The following TUBGCP2 variants were observed in gnomAD, a reference collection of about 807,000 sequenced individuals.
The protein encoded by TUBGCP2 is tubulin gamma complex component 2.
TUBGCP2 carries 55 observed loss-of-function variants against 92.2 expected under a neutral mutation model. The observed-to-expected ratio is 0.60, with a 90% confidence interval of 0.48 to 0.75. TUBGCP2 has a LOEUF of 0.75. Ranked by LOEUF, TUBGCP2 falls within the 30% of genes least tolerant of loss-of-function variation. The pLI, the probability that TUBGCP2 is intolerant of heterozygous loss-of-function variation, is 0.00. For synonymous variants in TUBGCP2, 533 were observed against 505.2 expected (o/e 1.06, Z -0.74); for missense variants, 1,093 against 1,188.9 (o/e 0.92, Z 1.19).
intron 16 of TUBGCP2, 58 bp from the exon 17 acceptor site, chr10:133,281,494 CT>C: frequency 6.3e-7 from 1 of 1,588,086 alleles, no homozygotes; most frequent in Non-Finnish European, 8.6e-7. Context: ...GCCTTCTTGG[CT>C]CCACACTGTT....
At chr10:133,302,712 A>C in intron 2 of TUBGCP2, 80 bp downstream of exon 2, 2 of 1,567,498 alleles carry the variant, frequency 1.3e-6, no homozygotes, top group Non-Finnish European at 1.7e-6. Flanking sequence ...ACCCTGACCC[A>C]GGGGTGGGCT....
chr10:133,292,340 T>C lies in TUBGCP2; in HGVS notation c.1214+159A>G, dbSNP rs193227945. Reference sequence around the variant, plus strand: ...CCTACCTGTACGGGAGAGGGCAGCATGCACACTCCGTGTCCCCCGTGTCCC... The same window carrying C: ...CCTACCTGTACGGGAGAGGGCAGCACGCACACTCCGTGTCCCCCGTGTCCC... On this transcript the variant is annotated intron_variant, in intron 8 of 17. Transcript: ENST00000252936. Among the ~76,000 whole-genome samples, 6 of 832 alleles carry C rather than the reference T, an allele frequency of 7.2e-3. 3 individuals carry two copies. The highest frequency in any genetic ancestry group is 0.1 in the South Asian group (2 of 20). The allele number at this position is 832 out of a possible 152,430, so 0.5% of individuals were successfully genotyped here.
Position 133,285,247 on chromosome 10 carries a change from T to C in TUBGCP2, c.1896-34A>G. 1.9e-6 allele frequency: 3 copies of C among 1,609,182 alleles called. No homozygotes were observed. Among genetic ancestry groups the C allele is most frequent in the Non-Finnish European group, 1.7e-6 (2 of 1,179,906 alleles). On this transcript the variant is annotated intron_variant, in intron 12 of 17. Transcript: ENST00000252936. This position sits in a 1 kb window ranked among gnomAD's most constrained non-coding sequence, Gnocchi z 6.8. ...GACGTGGCGGCACCTCAGGTGGGCC[T>C]CCGTGACCGGCGGCGTCGTGGACAC...
chr10:133,291,056 A>G (rs77025499), intron 8 of TUBGCP2: 6,127 of 214,222 alleles, frequency 0.029, 204 homozygotes, highest in Middle Eastern at 0.073. Context: ...CAAGCACCAA[A>G]GAGGTTGAAG....
intron 16 of TUBGCP2, among the ~76,000 whole-genome samples, chr10:133,281,782 G>A (rs1014747911): frequency 6.6e-6 from 1 of 152,198 alleles, no homozygotes; most frequent in Middle Eastern, 3.2e-3. Context: ...ACTCCTCTCT[G>A]CCAGCTCCAG....
chr10:133,300,342 G>A lies in TUBGCP2; in HGVS notation c.151-229C>T, dbSNP rs1028094862. ...TGTAATCCCAGCACTTTGGGAGGCC[G>A]AGGCTGGTAGACTGCTTGAGTCCAG... On this transcript the variant is annotated intron_variant, in intron 2 of 17. Transcript: ENST00000252936. The A allele has an allele frequency of 5.1e-5, 22 of 434,222 alleles. 1 individual carries two copies. Among genetic ancestry groups the A allele is most frequent in the Non-Finnish European group, 7.7e-5 (19 of 245,192 alleles). The allele number at this position is 434,222 out of a possible 1,614,324, so 26.9% of individuals were successfully genotyped here. A position where few individuals can be genotyped will look rare whatever the true frequency, so the allele number is the denominator to read the frequency against.
intron 5 of TUBGCP2, among the ~76,000 whole-genome samples, chr10:133,294,402 C>T (rs893582466): frequency 3.9e-5 from 6 of 152,308 alleles, no homozygotes; most frequent in African/African-American, 9.6e-5. Context: ...GACAGGGCCC[C>T]GTGCCAGCCA....
chr10:133,290,681 A>G (rs1015113998), intron 8 of TUBGCP2: 2 of 151,918 alleles, frequency 1.3e-5, no homozygotes, highest in Admixed American at 6.6e-5. Flanking sequence ...CCAGGCAACA[A>G]AATGATGCTC....
chr10:133,302,391 ACCCTGCACCCTGCACCAGAGGTGGCG>A, intron 2 of TUBGCP2: 1 of 257,140 alleles, frequency 3.9e-6, no homozygotes, highest in Non-Finnish European at 7.6e-6. Flanking sequence ...GGTGGCGCTC[ACCCTGCACCCTGCACCAGAGGTGGCG>A]CTCACCCTGC....
At chr10:133,312,232 G>GC, upstream of TUBGCP2, 1 of 1,373,036 alleles carries the variant, frequency 7.3e-7, no homozygotes, top group Admixed American at 3.3e-5. Context: ...TGTGCCGTCT[G>GC]CCTTCCTAGC....
upstream of TUBGCP2, chr10:133,309,289 C>G: frequency 6.9e-7 from 1 of 1,445,064 alleles, no homozygotes; most frequent in East Asian, 2.5e-5. Flanking sequence ...TGGGGCGGGA[C>G]CGGAGCGCGG....
chr10:133,283,173 T>C lies in TUBGCP2; in HGVS notation c.2194A>G (p.Thr732Ala). ...VLGHHTGFLD[T>A]CLKDCMLTNP... ...GTGAGCATGCAGTCCTTCAGGCAGG[T>C]GTCCAGGAAGCCTGTGTGGTGGCCA... Residue 732 changes from threonine to alanine, a missense_variant, in exon 15 of 18, where the codon ACC (threonine) becomes GCC (alanine). Around this residue, in one of 3 missense-constraint regions of TUBGCP2, gnomAD observed 598 missense variants for 675.5 expected, o/e 0.89. Coordinates refer to ENST00000252936, the MANE Select transcript of TUBGCP2 (RefSeq NM_006659.4). The C allele has an allele frequency of 6.2e-7, 1 of 1,614,206 alleles. No individual in the cohort carries two copies. Among genetic ancestry groups the C allele is most frequent in the East Asian group, 2.2e-5 (1 of 44,884 alleles).
At chr10:133,291,242 C>T (rs1029107957) in intron 8 of TUBGCP2, among the ~76,000 whole-genome samples, 20 of 108,054 alleles carry the variant, frequency 1.9e-4, no homozygotes, top group South Asian at 5.1e-4. Flanking sequence ...ACGCGCCCTC[C>T]GTGTCCCCCA....
intron 1 of TUBGCP2, among the ~76,000 whole-genome samples, 165 bp from the exon 2 acceptor site, chr10:133,303,145 G>A (rs1847717416): frequency 6.6e-6 from 1 of 152,046 alleles, no homozygotes; most frequent in African/African-American, 2.4e-5. Context: ...CTCTCAGAGG[G>A]TCCTCTGCAT....
In TUBGCP2 at chr10:133,283,358, G is replaced by A. The variant is rs1020572824; in HGVS notation, c.2146-137C>T. ...TCTTAAATGGGCCTTGGGCTTTTAGGGGAAAACTTCCAAACACCACTAAAA... is the reference window on the plus strand; with the variant it reads ...TCTTAAATGGGCCTTGGGCTTTTAGAGGAAAACTTCCAAACACCACTAAAA... On this transcript the variant is annotated intron_variant, in intron 14 of 17. Transcript: ENST00000252936. The A allele has an allele frequency of 1.1e-5, 14 of 1,273,634 alleles. No homozygotes were observed. In the African/African-American group the frequency reaches 1.9e-4, roughly 17 times the overall value. 78.9% of individuals were successfully genotyped at this position (1,273,634 alleles called of 1,614,324 possible). A position where few individuals can be genotyped will look rare whatever the true frequency, so the allele number is the denominator to read the frequency against.
chr10:133,285,016 C>T lies in TUBGCP2; in HGVS notation c.2024+69G>A, dbSNP rs1336068971. 30 of 1,530,834 alleles carry T rather than the reference C, an allele frequency of 2.0e-5. No individual in the cohort carries two copies. Among genetic ancestry groups the T allele is most frequent in the Non-Finnish European group, 2.5e-5 (28 of 1,138,608 alleles). 94.8% of individuals were successfully genotyped at this position (1,530,834 alleles called of 1,614,324 possible). ...CTACCAGGAGGGCACAAGGGGGGCG[C>T]TGCACCACTGGGCAGAGTGCAGCGA... On this transcript the variant is annotated intron_variant, in intron 13 of 17. Coordinates refer to ENST00000252936, the MANE Select transcript of TUBGCP2 (RefSeq NM_006659.4). This position sits in a 1 kb window ranked among gnomAD's most constrained non-coding sequence, Gnocchi z 6.8.
chr10:133,311,547 T>C (rs1484849513), upstream of TUBGCP2: 2 of 598,336 alleles, frequency 3.3e-6, no homozygotes, highest in Non-Finnish European at 5.9e-6. Context: ...GTAATCATTC[T>C]CCTTTTCCCA....
chr10:133,302,900 A>G lies in TUBGCP2; in HGVS notation c.42T>C (p.Leu14=), dbSNP rs755557368. Residue 14 remains leucine (L), a synonymous_variant, in exon 2 of 18, where the codon CTT becomes CTC. Coordinates refer to ENST00000252936, the MANE Select transcript of TUBGCP2 (RefSeq NM_006659.4). ...FRIHHDVNEL[L]SLLRVHGGDG... ...CTCCTCCGTGGACACGCAGCAGGCT[A>G]AGCAGTTCATTGACGTCATGGTGAA... 1 of 1,614,060 alleles carries G rather than the reference A, an allele frequency of 6.2e-7. No individual in the cohort carries two copies. The highest frequency in any genetic ancestry group is 1.7e-5 in the Admixed American group (1 of 60,030).
upstream of TUBGCP2, chr10:133,311,902 G>C: frequency 1.2e-6 from 2 of 1,613,186 alleles, no homozygotes; most frequent in Non-Finnish European, 1.7e-6. Flanking sequence ...TGAGGATTCT[G>C]GGCTGCACCT....
Sources: gnomAD v4.1 joint callset for allele counts (sites outside exome capture counted in the v4.1 genomes callset) on GRCh38, gnomAD v4.1.1 for gene constraint, gnomAD v4.1.1 regional missense constraint, Gnocchi (gnomAD v3.1) non-coding constraint, MANE v1.5 for transcripts, NCBI Gene and HGNC (gene_info 2026-07-23, HGNC 2026-07-21) for gene names.